Variants in RHOJ observed in about 807,000 individuals in gnomAD.
RHOJ encodes the protein ras homolog family member J.
A neutral mutation model predicts 23.4 loss-of-function variants in RHOJ; 11 were observed. The ratio of observed to expected loss-of-function variants is 0.47; its 90% CI spans 0.30 to 0.78. RHOJ has a LOEUF of 0.78. Ranked by LOEUF, RHOJ falls within the 30% of genes least tolerant of loss-of-function variation. The probability of loss-of-function intolerance (pLI) is 0.08; values close to 1 mark genes in which losing one functional copy is unlikely to be tolerated. For synonymous variants in RHOJ, 102 were observed against 102.7 expected, an observed-to-expected ratio of 0.99 and a Z score of 0.04; for missense variants, 254 against 273.4, an observed-to-expected ratio of 0.93 and a Z score of 0.50.
intron 1 of RHOJ, among the ~76,000 whole-genome samples, chr14:63,251,275 A>G (rs1007051525): frequency 1.3e-5 from 2 of 152,176 alleles, no homozygotes; most frequent in Admixed American, 1.3e-4. Context: ...TTCTCAATAC[A>G]TAATTATTAA....
intron 1 of RHOJ, among the ~76,000 whole-genome samples, chr14:63,219,463 C>T (rs1894436750): frequency 6.6e-6 from 1 of 151,576 alleles, no homozygotes; most frequent in Admixed American, 6.6e-5. Context: ...CTTATTTAGT[C>T]TTTTTGCCTT....
At chr14:63,275,960 T>G (rs1345678692) in intron 2 of RHOJ, among the ~76,000 whole-genome samples, 1 of 152,186 alleles carries the variant, frequency 6.6e-6, no homozygotes, top group African/African-American at 2.4e-5. Context: ...TTTACCATAT[T>G]TTATAGCTGT....
intron 2 of RHOJ, among the ~76,000 whole-genome samples, chr14:63,279,163 A>C (rs1213203662): frequency 1.3e-5 from 2 of 152,206 alleles, no homozygotes; most frequent in African/African-American, 4.8e-5. Context: ...ATGTTTTGTA[A>C]GTTTCTGAAA....
chr14:63,238,352 T>C (rs1280542546), intron 1 of RHOJ, among the ~76,000 whole-genome samples: 2 of 152,190 alleles, frequency 1.3e-5, no homozygotes, highest in Admixed American at 6.5e-5. Context: ...ATCATCAGCA[T>C]GGTATAAAAC....
At chr14:63,224,511 A>G (rs1362593650) in intron 1 of RHOJ, among the ~76,000 whole-genome samples, 1 of 152,140 alleles carries the variant, frequency 6.6e-6, no homozygotes, top group Non-Finnish European at 1.5e-5. Flanking sequence ...ATCGTTCCTA[A>G]TCAAGCATGT....
intron 4 of RHOJ, chr14:63,288,131 T>C: frequency 1.0e-6 from 1 of 963,946 alleles, no homozygotes; most frequent in Non-Finnish European, 1.2e-6. Context: ...TACAACATAA[T>C]GTCATATTAA....
chr14:63,283,161 T>C lies in RHOJ; in HGVS notation c.443T>C (p.Leu148Pro), dbSNP rs746567091. 6.2e-7 allele frequency: 1 copy of C among 1,614,166 alleles called. No individual in the cohort carries two copies. The change falls in exon 4 of 5, where the codon CTG (leucine) becomes CCG (proline). Residue 148 changes from leucine (L) to proline (P), a missense_variant. By Grantham distance (98) the Leu-to-Pro change is moderately conservative (BLOSUM62 -3). Transcript: ENST00000316754. Reference protein sequence around the residue: ...RDDPKTLARLLYMKEKPLTYE... With the variant: ...RDDPKTLARLPYMKEKPLTYE... ...GACCCAAAAACCTTGGCCCGTTTGC[T>C]GTATATGAAAGAGAAACCTCTCACT...
At chr14:63,288,123 C>A in intron 4 of RHOJ, 2 of 952,156 alleles carry the variant, frequency 2.1e-6, no homozygotes, top group Non-Finnish European at 2.5e-6. Context: ...TCTATCAGTA[C>A]AACATAATGT....
At chr14:63,263,047 T>C (rs934496152) in intron 1 of RHOJ, among the ~76,000 whole-genome samples, 4 of 152,222 alleles carry the variant, frequency 2.6e-5, no homozygotes, top group African/African-American at 9.6e-5. Flanking sequence ...GTACCCACCA[T>C]AGGTCAGACT....
chr14:63,216,295 T>C (rs1045153563), intron 1 of RHOJ, among the ~76,000 whole-genome samples: 1 of 152,214 alleles, frequency 6.6e-6, no homozygotes, highest in African/African-American at 2.4e-5. Context: ...ACTTGAAGTA[T>C]GTGCTGCATA....
intron 1 of RHOJ, among the ~76,000 whole-genome samples, chr14:63,211,682 C>G (rs1370984647): frequency 3.3e-5 from 5 of 152,196 alleles, no homozygotes; most frequent in Non-Finnish European, 5.9e-5. Context: ...TATAGTCACT[C>G]TGTTGTGCTA....
intron 1 of RHOJ, among the ~76,000 whole-genome samples, chr14:63,238,178 A>T (rs188320988): frequency 3.4e-4 from 52 of 152,360 alleles, no homozygotes; most frequent in African/African-American, 1.2e-3. Context: ...TAGAAAGTTG[A>T]AATCAAATTC....
rs1241532007 is a variant in RHOJ, at chr14:63,220,571, C to T, written c.178+15524C>T. 3.9e-5 allele frequency among the ~76,000 whole-genome samples: 6 copies of T among 152,144 alleles called. No individual in the cohort carries two copies. The South Asian group carries it at 6.2e-4, about 16-fold the overall frequency. On this transcript the variant is annotated intron_variant, in intron 1 of 4. Transcript: ENST00000316754. Reference sequence around the variant, plus strand: ...ATGTAATCTAGGGAGGAAGACAAGCCGAGGAACTACCCAGTGCCCAGAAAT... The same window carrying T: ...ATGTAATCTAGGGAGGAAGACAAGCTGAGGAACTACCCAGTGCCCAGAAAT...
chr14:63,251,696 G>A lies in RHOJ; in HGVS notation c.179-17414G>A, dbSNP rs576604053. 5.3e-5 allele frequency among the ~76,000 whole-genome samples: 8 copies of A among 152,296 alleles called. No homozygotes were observed. The South Asian group carries it at 1.5e-3, about 28-fold the overall frequency. ...GAAATATTACGTCAAGGGAAAGGAG[G>A]TCCTCTCTCCCAAACATCATTGACT... On this transcript the variant is annotated intron_variant, in intron 1 of 4. Coordinates refer to ENST00000316754, the MANE Select transcript of RHOJ (RefSeq NM_020663.5).
At chr14:63,217,085 C>CTTTTT (rs71120253) in intron 1 of RHOJ, among the ~76,000 whole-genome samples, 1 of 148,756 alleles carries the variant, frequency 6.7e-6, no homozygotes, top group Non-Finnish European at 1.5e-5. Context: ...TTCTTTTTTT[C>CTTTTT]TTTTTTTTTT....
At chr14:63,247,127 G>A (rs114987942) in intron 1 of RHOJ, among the ~76,000 whole-genome samples, 2 of 152,318 alleles carry the variant, frequency 1.3e-5, no homozygotes, top group African/African-American at 4.8e-5. Context: ...GATCTTGGGT[G>A]AAGAATGAAG....
In RHOJ at chr14:63,283,162, G is replaced by A; in HGVS notation, c.444G>A (p.Leu148=). 6.2e-7 allele frequency: 1 copy of A among 1,614,146 alleles called. No individual in the cohort carries two copies. The highest frequency in any genetic ancestry group is 8.5e-7 in the Non-Finnish European group (1 of 1,179,984). ...ACCCAAAAACCTTGGCCCGTTTGCT[G>A]TATATGAAAGAGAAACCTCTCACTT... ...RDDPKTLARL[L]YMKEKPLTYE... Residue 148 remains leucine (L), a synonymous_variant, in exon 4 of 5, where the codon CTG becomes CTA. Coordinates refer to ENST00000316754, the MANE Select transcript of RHOJ (RefSeq NM_020663.5).
chr14:63,210,720 T>C (rs1188618407), intron 1 of RHOJ, among the ~76,000 whole-genome samples: 3 of 152,242 alleles, frequency 2.0e-5, no homozygotes, highest in Admixed American at 6.5e-5. Context: ...ACTTGACATA[T>C]AGCATAAGGA....
chr14:63,241,576 G>A (rs1055216001), intron 1 of RHOJ, among the ~76,000 whole-genome samples: 1 of 152,090 alleles, frequency 6.6e-6, no homozygotes, highest in African/African-American at 2.4e-5. Context: ...TGTGCTTTCT[G>A]CAGCCTTGCA....
Sources: allele counts gnomAD v4.1 joint callset (sites outside exome capture counted in the v4.1 genomes callset), GRCh38; gene constraint gnomAD v4.1.1; transcripts MANE v1.5; gene names NCBI Gene and HGNC (gene_info 2026-07-23, HGNC 2026-07-21).